Variants in ZNF362 observed in about 807,000 individuals in gnomAD.
The protein encoded by ZNF362 is rotund homolog.
A neutral mutation model predicts 42.9 loss-of-function variants in ZNF362; 11 were observed. The observed-to-expected ratio is 0.26, with a 90% CI of 0.16 to 0.42. ZNF362 has a LOEUF of 0.42. ZNF362 is among the 20% of genes least tolerant of loss of function. ZNF362 has a pLI of 1.00. For synonymous variants in ZNF362, 255 were observed against 257.3 expected (o/e 0.99, Z 0.09); for missense variants, 362 against 576.2 (o/e 0.63, Z 3.81).
intron 2 of ZNF362, among the ~76,000 whole-genome samples, chr1:33,273,596 C>G (rs7536414): frequency 0.69 from 105,224 of 152,038 alleles, 36,525 homozygotes; most frequent in East Asian, 0.76. Flanking sequence ...GGCAGGGTAG[C>G]CTGTTTCACC....
Position 33,288,743 on chromosome 1 carries a change from C to CA in ZNF362, c.909-6175dup, listed in dbSNP as rs60197226. On this transcript the variant is annotated intron_variant, in intron 6 of 8. Coordinates refer to ENST00000539719, the MANE Select transcript of ZNF362 (RefSeq NM_152493.3). ...TCGGCGATAGAGCGAGACTCTGTCT[C>CA]AAAAAAAAAAAAAAAAAAAGAAGCG... Among the ~76,000 whole-genome samples, 57 of 27,350 alleles carry CA rather than the reference C, an allele frequency of 2.1e-3. 1 individual carries two copies. Among genetic ancestry groups the CA allele is most frequent in the African/African-American group, 4.2e-3 (32 of 7,582 alleles). 17.9% of individuals were successfully genotyped at this position (27,350 alleles called of 152,430 possible).
chr1:33,173,850 T>C, the ZNF362 span, among the ~76,000 whole-genome samples: 1 of 151,484 alleles, frequency 6.6e-6, no homozygotes, highest in African/African-American at 2.4e-5. Flanking sequence ...CAGGCATGCA[T>C]CATGCCTGGA....
chr1:33,288,823 G>T (rs558291395), intron 6 of ZNF362, among the ~76,000 whole-genome samples: 9 of 151,374 alleles, frequency 5.9e-5, no homozygotes, highest in Non-Finnish European at 1.3e-4. Flanking sequence ...GGGAGCTGGG[G>T]CTGGGTGCTC....
the ZNF362 span, chr1:33,165,175 C>T: frequency 3.4e-6 from 1 of 292,472 alleles, no homozygotes; most frequent in African/African-American, 2.2e-5. The surrounding 1 kb of genome is among the most constrained non-coding windows in gnomAD (Gnocchi z 4.0). Context: ...CCGGAGGGTC[C>T]CGGGACCCGC....
chr1:33,160,797 T>C, the ZNF362 span, among the ~76,000 whole-genome samples: 3 of 152,182 alleles, frequency 2.0e-5, no homozygotes, highest in Non-Finnish European at 2.9e-5. Context: ...GCTTTGTAAA[T>C]TGCAACGTAT....
chr1:33,176,533 G>T, the ZNF362 span: 2 of 643,646 alleles, frequency 3.1e-6, no homozygotes, highest in Non-Finnish European at 2.9e-6. Flanking sequence ...CCCCTCTCTG[G>T]GGGTTAGGAA....
the ZNF362 span, among the ~76,000 whole-genome samples, chr1:33,235,364 C>A: frequency 6.6e-6 from 1 of 152,116 alleles, no homozygotes; most frequent in African/African-American, 2.4e-5. Context: ...CCTCACGATG[C>A]CTGTAAGGGA....
upstream of ZNF362, among the ~76,000 whole-genome samples, chr1:33,252,601 G>A (rs184854465): frequency 1.6e-4 from 24 of 152,288 alleles, no homozygotes; most frequent in African/African-American, 5.1e-4. Flanking sequence ...CTGCGGCATA[G>A]TCTGGTTAAG....
chr1:33,207,176 C>G, the ZNF362 span, among the ~76,000 whole-genome samples: 1 of 151,912 alleles, frequency 6.6e-6, no homozygotes, highest in South Asian at 2.1e-4. Context: ...GTTTAACTCC[C>G]ACTTATGAGT....
chr1:33,269,188 G>A (rs1002126639), intron 1 of ZNF362, among the ~76,000 whole-genome samples: 4 of 152,162 alleles, frequency 2.6e-5, no homozygotes, highest in Non-Finnish European at 2.9e-5. Context: ...AGCTGACCCT[G>A]ACCTCCCCCT....
the ZNF362 span, among the ~76,000 whole-genome samples, chr1:33,226,556 G>A: frequency 6.6e-6 from 1 of 152,196 alleles, no homozygotes; most frequent in Non-Finnish European, 1.5e-5. Context: ...CAATATGGAT[G>A]GACCTTGAAA....
the ZNF362 span, among the ~76,000 whole-genome samples, chr1:33,236,606 A>G: frequency 3.0e-5 from 4 of 132,988 alleles, no homozygotes; most frequent in South Asian, 1.0e-3. Flanking sequence ...CCTTACTACT[A>G]TATGTAATAT....
At chr1:33,159,842 C>T in the ZNF362 span, 2 of 1,613,608 alleles carry the variant, frequency 1.2e-6, no homozygotes, top group Non-Finnish European at 1.7e-6. The surrounding 1 kb of genome is among the most constrained non-coding windows in gnomAD (Gnocchi z 4.2). Context: ...CGGGCCGTGT[C>T]CGCCTCCAGC....
rs770087109 is a variant in ZNF362 at position 33,281,819 on chromosome 1, G to A, written c.908+8G>A. ...CCTCCAGCAGCACACCAGGTGAGTG[G>A]CCTGCCTGCTGCCCTGCTGCAGCCC... is the stretch of plus-strand genomic sequence containing the variant. On this transcript the variant is annotated splice_region_variant and intron_variant, in intron 6 of 8. Transcript: ENST00000539719. The surrounding 1 kb of genome is among the most constrained non-coding windows in gnomAD (Gnocchi z 4.8). The A allele has an allele frequency of 1.2e-6, 2 of 1,613,440 alleles. No homozygotes were observed. The highest frequency in any genetic ancestry group is 1.7e-6 in the Non-Finnish European group (2 of 1,179,502).
the ZNF362 span, among the ~76,000 whole-genome samples, chr1:33,226,584 G>A: frequency 6.6e-6 from 1 of 152,194 alleles, no homozygotes; most frequent in East Asian, 1.9e-4. Flanking sequence ...GCTAAATGAG[G>A]CCGGGCGCCA....
At chr1:33,146,896 A>G in the ZNF362 span, 1 of 448,808 alleles carries the variant, frequency 2.2e-6, no homozygotes, top group South Asian at 2.7e-5. Context: ...GAAGATGGGG[A>G]TGAGGGTTGG....
intron 4 of ZNF362, 99 bp downstream of exon 4, chr1:33,276,693 G>A (rs1323763498): frequency 3.9e-6 from 5 of 1,266,308 alleles, no homozygotes; most frequent in African/African-American, 3.2e-5. Context: ...GGCTAGGTAA[G>A]AGCAGGGCGG....
chr1:33,197,664 G>A, the ZNF362 span, among the ~76,000 whole-genome samples: 83 of 152,162 alleles, frequency 5.5e-4, no homozygotes, highest in Non-Finnish European at 1.0e-3. Context: ...ACGGGGGAGG[G>A]AACCCAGGCT....
chr1:33,213,872 C>CA, the ZNF362 span, among the ~76,000 whole-genome samples: 63 of 151,132 alleles, frequency 4.2e-4, no homozygotes, highest in African/African-American at 1.4e-3. Flanking sequence ...CAAAACAAAA[C>CA]AAAACAAAAA....
Sources: allele counts gnomAD v4.1 joint callset (sites outside exome capture counted in the v4.1 genomes callset), GRCh38; gene constraint gnomAD v4.1.1; non-coding constraint Gnocchi (gnomAD v3.1); transcripts MANE v1.5; gene names NCBI Gene and HGNC (gene_info 2026-07-23, HGNC 2026-07-21).